Variants in RAD50 observed in about 807,000 individuals in gnomAD.
The protein encoded by RAD50 is DNA repair protein RAD50.
RAD50 carries 132 observed loss-of-function variants against 168.8 expected under a neutral mutation model. The observed-to-expected ratio is 0.78, with a 90% CI of 0.68 to 0.90. The LOEUF is 0.90. Among genes scored for constraint, RAD50 ranks in the 40% least tolerant of loss-of-function variants. The pLI, the probability that RAD50 is intolerant of heterozygous loss-of-function variation, is 0.00. For synonymous variants in RAD50, 525 were observed against 497.4 expected (o/e 1.06, Z -0.74); for missense variants, 1,347 against 1,534.4 (o/e 0.88, Z 2.04).
Position 132,575,919 on chromosome 5 carries a change from CTAGAACAAAG to C in RAD50, c.360_365+4del. ...TTTAAAACTCTGGAAGGAGTCATTACTAGAACAAAGTAGGTGTTTATATGATATTTGAATT... is the reference window on the plus strand; with the variant it reads ...TTTAAAACTCTGGAAGGAGTCATTACTAGGTGTTTATATGATATTTGAATT... On this transcript the variant is annotated splice_donor_variant and coding_sequence_variant, in exon 3 of 25. Coordinates refer to ENST00000378823, the MANE Select transcript of RAD50 (RefSeq NM_005732.4). LOFTEE classifies it high-confidence loss of function. 1 of 1,609,250 alleles carries C rather than the reference CTAGAACAAAG, an allele frequency of 6.2e-7. No individual in the cohort carries two copies. Among genetic ancestry groups the C allele is most frequent in the East Asian group, 2.2e-5 (1 of 44,840 alleles).
At chr5:132,564,732 A>G (rs1469806018) in intron 2 of RAD50, among the ~76,000 whole-genome samples, 1 of 152,140 alleles carries the variant, frequency 6.6e-6, no homozygotes, top group Non-Finnish European at 1.5e-5. Flanking sequence ...AATGGCTAGA[A>G]GGCATTTCAG....
chr5:132,632,927 A>G (rs1179829137), intron 21 of RAD50, among the ~76,000 whole-genome samples: 2 of 151,846 alleles, frequency 1.3e-5, no homozygotes, highest in Admixed American at 1.3e-4. Flanking sequence ...GTCTATTTGT[A>G]TTTCTTCTCC....
intron 21 of RAD50, among the ~76,000 whole-genome samples, chr5:132,626,110 T>C (rs933357231): frequency 6.6e-6 from 1 of 152,058 alleles, no homozygotes; most frequent in Non-Finnish European, 1.5e-5. Context: ...CCTCAAATGA[T>C]CCACCCGCCT....
chr5:132,626,338 T>C (rs1016922469), intron 21 of RAD50, among the ~76,000 whole-genome samples: 1 of 152,242 alleles, frequency 6.6e-6, no homozygotes, highest in African/African-American at 2.4e-5. Flanking sequence ...CAGAATCATA[T>C]GGTAGTTCTG....
At chr5:132,638,311 T>C in intron 23 of RAD50, 88 bp downstream of exon 23, 2 of 1,469,674 alleles carry the variant, frequency 1.4e-6, no homozygotes, top group Non-Finnish European at 1.9e-6. Context: ...CACCCAAGGC[T>C]ACACCTGAAT....
chr5:132,591,985 A>G lies in RAD50; in HGVS notation c.1744A>G (p.Ser582Gly), dbSNP rs747324016. ...AAAACAGCTTGAAGACTGGCTACAT[A>G]GTAAATCAAAAGAAATTAATCAGAC... ...NKKQLEDWLH[S>G]KSKEINQTRD... Residue 582 changes from serine to glycine, a missense_variant, in exon 11 of 25, where the codon AGT becomes GGT. Coordinates refer to ENST00000378823, the MANE Select transcript of RAD50 (RefSeq NM_005732.4). The G allele has an allele frequency of 3.1e-6, 5 of 1,613,204 alleles. No individual in the cohort carries two copies. Among genetic ancestry groups the G allele is most frequent in the Admixed American group, 1.7e-5 (1 of 60,024 alleles).
intron 23 of RAD50, among the ~76,000 whole-genome samples, chr5:132,639,643 T>C (rs971700339): frequency 2.6e-5 from 4 of 152,222 alleles, no homozygotes; most frequent in Non-Finnish European, 4.4e-5. Context: ...GAAAATTAAT[T>C]AGCAATAATT....
At chr5:132,561,417 T>G (rs1280454366) in intron 2 of RAD50, among the ~76,000 whole-genome samples, 1 of 152,150 alleles carries the variant, frequency 6.6e-6, no homozygotes, top group Non-Finnish European at 1.5e-5. Flanking sequence ...GGTCTCAACC[T>G]CCTCACCTCA....
At chr5:132,627,606 C>G (rs963264613) in intron 21 of RAD50, among the ~76,000 whole-genome samples, 1 of 152,114 alleles carries the variant, frequency 6.6e-6, no homozygotes, top group African/African-American at 2.4e-5. Flanking sequence ...GTTCAAGGAC[C>G]AGGAAGAAGG....
At chr5:132,568,382 C>T (rs60775958) in intron 2 of RAD50, among the ~76,000 whole-genome samples, 9 of 151,936 alleles carry the variant, frequency 5.9e-5, no homozygotes, top group Admixed American at 2.0e-4. Context: ...GACGCCCGAC[C>T]GGATTTTTTT....
intron 1 of RAD50, among the ~76,000 whole-genome samples, chr5:132,558,718 CAAAAAAA>C (rs35515008): frequency 8.7e-4 from 66 of 75,796 alleles, no homozygotes; most frequent in African/African-American, 2.7e-3. Flanking sequence ...TCTCCCCCCA[CAAAAAAA>C]AAAAAAAAAA....
intron 12 of RAD50, chr5:132,595,272 A>T (rs1750769713): frequency 3.4e-6 from 2 of 589,246 alleles, no homozygotes; most frequent in African/African-American, 1.9e-5. Flanking sequence ...TGTGGTACTG[A>T]GGTGTGAATG....
intron 22 of RAD50, among the ~76,000 whole-genome samples, chr5:132,637,546 A>T (rs1410988934): frequency 1.4e-5 from 2 of 146,486 alleles, no homozygotes; most frequent in African/African-American, 2.6e-5. Flanking sequence ...TTTTTTCCAG[A>T]TGGAGTCTCG....
At position 132,608,625 on chromosome 5, in the gene RAD50, A is replaced by G. The variant is rs1751026902; in HGVS notation, c.2729A>G (p.Glu910Gly). ...SLYREIKDAK[E>G]QVSPLETTLE... ...TTTTTATATTTTTAGGATGCTAAAG[A>G]GCAGGTAAGCCCTTTGGAAACAACA... The change falls in exon 17 of 25, where the codon GAG (glutamate) becomes GGG (glycine). Residue 910 changes from glutamate to glycine, a missense_variant. Coordinates refer to ENST00000378823, the MANE Select transcript of RAD50 (RefSeq NM_005732.4). 2.5e-6 allele frequency: 4 copies of G among 1,586,916 alleles called. No individual in the cohort carries two copies. The South Asian group carries it at 3.5e-5, about 14-fold the overall frequency.
chr5:132,579,212 C>CT (rs888161935), intron 3 of RAD50, 105 bp from the exon 4 acceptor site: 440 of 1,221,778 alleles, frequency 3.6e-4, no homozygotes, highest in Middle Eastern at 5.4e-4. Context: ...GGTGAAGGGC[C>CT]TTTTTTTTTA....
rs146370443 is a variant in RAD50, at chr5:132,588,729, G to A, written c.1094G>A (p.Arg365Gln). The A allele has an allele frequency of 3.3e-4, 535 of 1,613,590 alleles. 1 individual carries two copies. Among genetic ancestry groups the A allele is most frequent in the Middle Eastern group, 8.2e-4 (5 of 6,062 alleles). Residue 365 changes from arginine to glutamine, a missense_variant, in exon 8 of 25, where the codon CGA becomes CAA. Physicochemically the swap from Arg to Gln is conservative, Grantham distance 43 (BLOSUM62 1). This residue lies in a region of RAD50 where 703 missense variants were observed against 767.7 expected (regional missense o/e 0.92). Coordinates refer to ENST00000378823, the MANE Select transcript of RAD50 (RefSeq NM_005732.4). Reference sequence around the variant, plus strand: ...GCAGATCGCCATCAAGAACATATCCGAGCTAGAGATTCATTAATTCAGTCT... The same window carrying A: ...GCAGATCGCCATCAAGAACATATCCAAGCTAGAGATTCATTAATTCAGTCT... ...LQADRHQEHI[R>Q]ARDSLIQSLA...
chr5:132,611,599 A>C (rs958894794), intron 19 of RAD50, among the ~76,000 whole-genome samples: 1 of 150,214 alleles, frequency 6.7e-6, no homozygotes, highest in African/African-American at 2.5e-5. Flanking sequence ...CCAGCTACTC[A>C]GGAAGCTGAG....
At chr5:132,570,835 CCTAA>C (rs1372050225) in intron 2 of RAD50, among the ~76,000 whole-genome samples, 2 of 152,202 alleles carry the variant, frequency 1.3e-5, no homozygotes, top group Non-Finnish European at 2.9e-5. Context: ...ATGAAAGAGG[CCTAA>C]CTTTCAACCT....
chr5:132,608,822 C>G, intron 17 of RAD50, 97 bp downstream of exon 17: 4 of 1,460,560 alleles, frequency 2.7e-6, no homozygotes, highest in Middle Eastern at 2.5e-4. Context: ...AATTAAATAG[C>G]ATAAGATAAA....
Sources: allele counts gnomAD v4.1 joint callset (sites outside exome capture counted in the v4.1 genomes callset), GRCh38; gene constraint gnomAD v4.1.1; regional missense constraint gnomAD v4.1.1; transcripts MANE v1.5; gene names NCBI Gene and HGNC (gene_info 2026-07-23, HGNC 2026-07-21).